The following CYP7B1 variants were observed in gnomAD, a reference collection of about 807,000 sequenced individuals.
CYP7B1 encodes cytochrome P450 7B1.
CYP7B1 carries 29 observed loss-of-function variants against 42.7 expected under a neutral mutation model. The ratio of observed to expected loss-of-function variants is 0.68; its 90% confidence interval spans 0.51 to 0.93. The LOEUF is 0.93. Among genes scored for constraint, CYP7B1 ranks in the 40% least tolerant of loss-of-function variants. The pLI is 0.00. For synonymous variants in CYP7B1, 235 were observed against 218.2 expected (o/e 1.08, Z -0.68); for missense variants, 655 against 600.5 (o/e 1.09, Z -0.95).
intron 1 of CYP7B1, among the ~76,000 whole-genome samples, chr8:64,759,164 G>A (rs762693324): frequency 3.3e-5 from 5 of 152,188 alleles, no homozygotes; most frequent in Middle Eastern, 3.2e-3. Flanking sequence ...GCTGTAGCTC[G>A]CCAGGATGAA....
chr8:64,712,558 C>A (rs1329189155), intron 1 of CYP7B1, among the ~76,000 whole-genome samples: 1 of 151,726 alleles, frequency 6.6e-6, no homozygotes, highest in Non-Finnish European at 1.5e-5. Context: ...GTGAAACTGG[C>A]ACATTATAGT....
chr8:64,743,259 G>T lies in CYP7B1; in HGVS notation c.122+55207C>A, dbSNP rs147597689. On this transcript the variant is annotated intron_variant, in intron 1 of 5. Coordinates refer to ENST00000310193, the MANE Select transcript of CYP7B1 (RefSeq NM_004820.5). Reference sequence around the variant, plus strand: ...CATTCACCTTATTAAAAGAAAAAAGGGATGCTAGAAATAATTAGGCTTACT... The same window carrying T: ...CATTCACCTTATTAAAAGAAAAAAGTGATGCTAGAAATAATTAGGCTTACT... Among the ~76,000 whole-genome samples the T allele has an allele frequency of 4.2e-3, 643 of 152,130 alleles. 2 individuals carry two copies. Among genetic ancestry groups the T allele is most frequent in the Non-Finnish European group, 6.7e-3 (458 of 68,016 alleles).
chr8:64,751,173 T>A (rs1017885471), intron 1 of CYP7B1, among the ~76,000 whole-genome samples: 1 of 152,184 alleles, frequency 6.6e-6, no homozygotes, highest in African/African-American at 2.4e-5. Context: ...AGACAATTTT[T>A]AAAAGAGAGA....
intron 1 of CYP7B1, among the ~76,000 whole-genome samples, chr8:64,705,287 C>G (rs1269776273): frequency 6.6e-6 from 1 of 151,886 alleles, no homozygotes; most frequent in East Asian, 1.9e-4. Context: ...GGATATTTAT[C>G]TACAGCCGTG....
rs759732698 is a variant in CYP7B1, at chr8:64,798,458, G to A, written c.122+8C>T. 103 of 1,510,684 alleles carry A rather than the reference G, an allele frequency of 6.8e-5. 1 individual carries two copies. Among genetic ancestry groups the A allele is most frequent in the Middle Eastern group, 4.4e-4 (2 of 4,536 alleles). The allele number at this position is 1,510,684 out of a possible 1,614,324, so 93.6% of individuals were successfully genotyped here. A position where few individuals can be genotyped will look rare whatever the true frequency, so the allele number is the denominator to read the frequency against. Reference sequence around the variant, plus strand: ...GCGCATGCGTGGCCTGGCGGCCGAGGCGCTTACCTGGTGCGCCGGACAAGC... The same window carrying A: ...GCGCATGCGTGGCCTGGCGGCCGAGACGCTTACCTGGTGCGCCGGACAAGC... On this transcript the variant is annotated splice_region_variant and intron_variant, in intron 1 of 5. Transcript: ENST00000310193.
chr8:64,691,505 A>G (rs1240040280), intron 1 of CYP7B1, among the ~76,000 whole-genome samples: 1 of 150,024 alleles, frequency 6.7e-6, no homozygotes, highest in Non-Finnish European at 1.5e-5. Context: ...TGGTGGTTAA[A>G]GCTGGAATGT....
chr8:64,705,618 C>G lies in CYP7B1; in HGVS notation c.123-81079G>C, dbSNP rs190293497. Among the ~76,000 whole-genome samples, 33 of 151,782 alleles carry G rather than the reference C, an allele frequency of 2.2e-4. No individual in the cohort carries two copies. The East Asian group carries it at 5.0e-3, about 23-fold the overall frequency. On this transcript the variant is annotated intron_variant, in intron 1 of 5. Coordinates refer to ENST00000310193, the MANE Select transcript of CYP7B1 (RefSeq NM_004820.5). The stretch of plus-strand genomic sequence containing the variant: ...GGGGGTGAGGGGAGTAATAGAATTA[C>G]TTAGAATTGACGGTTTTGCAGTTAA...
intron 1 of CYP7B1, among the ~76,000 whole-genome samples, chr8:64,735,190 A>G (rs1807468775): frequency 1.3e-5 from 2 of 152,190 alleles, no homozygotes; most frequent in South Asian, 2.1e-4. Context: ...TTAAAAATGG[A>G]TATACAATAT....
intron 1 of CYP7B1, among the ~76,000 whole-genome samples, chr8:64,756,246 G>A (rs1261678147): frequency 6.6e-6 from 1 of 152,180 alleles, no homozygotes; most frequent in Admixed American, 6.5e-5. Context: ...TATGTCCAAT[G>A]AGATGATTTT....
rs1045912447 is a variant in CYP7B1, at chr8:64,615,120, T to C, written c.963A>G (p.Glu321=). 14 of 1,613,716 alleles carry C rather than the reference T, an allele frequency of 8.7e-6. No individual in the cohort carries two copies. In the Middle Eastern group the frequency reaches 6.6e-4, roughly 76 times the overall value. The change falls in exon 4 of 6, where the codon GAA becomes GAG. Residue 321 remains glutamate (E), a synonymous_variant. Coordinates refer to ENST00000310193, the MANE Select transcript of CYP7B1 (RefSeq NM_004820.5). ...CTGTTGACTGCAGCAAACGGTCAAT[T>C]TCGTCACGCACTGCTGCCATAGCTT... ...HPEAMAAVRD[E]IDRLLQSTGQ...
Position 64,798,562 on chromosome 8 carries a change from G to C in CYP7B1, c.26C>G (p.Thr9Arg), listed in dbSNP as rs779597828. 21 of 1,490,898 alleles carry C rather than the reference G, an allele frequency of 1.4e-5. No homozygotes were observed. The highest frequency in any genetic ancestry group is 2.8e-5 in the East Asian group (1 of 35,702). 92.4% of individuals were successfully genotyped at this position (1,490,898 alleles called of 1,614,324 possible). A position where few individuals can be genotyped will look rare whatever the true frequency, so the allele number is the denominator to read the frequency against. ...CAACCGCTCCAGCGAAAAGCGGCCC[G>C]TGGCCGCGGACACTTCTCCTGCCAT... Reference protein sequence around the residue: MAGEVSAATGRFSLERLGL... With the variant: MAGEVSAARGRFSLERLGL... Residue 9 changes from threonine to arginine, a missense_variant, in exon 1 of 6, where the codon ACG becomes AGG. By Grantham distance (71) the Thr-to-Arg change is moderately conservative. Transcript: ENST00000310193.
At chr8:64,737,426 AAAGTGAT>A (rs1315718033) in intron 1 of CYP7B1, among the ~76,000 whole-genome samples, 1 of 152,244 alleles carries the variant, frequency 6.6e-6, no homozygotes, top group Non-Finnish European at 1.5e-5. Context: ...AGCAAAACTA[AAAGTGAT>A]AAAGTGCACT....
Position 64,594,498 on chromosome 8 carries a change from A to G in CYP7B1, c.*2144T>C, listed in dbSNP as rs1805088521. ...ATATACATACCAAGATATGCATCAA[A>G]CACATTAGAATATTTGCCTATGATA... On this transcript the variant is annotated 3_prime_UTR_variant, in exon 6 of 6. Coordinates refer to ENST00000310193, the MANE Select transcript of CYP7B1 (RefSeq NM_004820.5). Among the ~76,000 whole-genome samples, 1 of 152,208 alleles carries G rather than the reference A, an allele frequency of 6.6e-6. No homozygotes were observed. Among genetic ancestry groups the G allele is most frequent in the African/African-American group, 2.4e-5 (1 of 41,460 alleles).
At chr8:64,727,976 C>G (rs1003593906) in intron 1 of CYP7B1, 2 of 152,214 alleles carry the variant, frequency 1.3e-5, no homozygotes, top group Non-Finnish European at 2.9e-5. Flanking sequence ...TTCATCCTCT[C>G]ATTCACCACC....
intron 2 of CYP7B1, 130 bp from the exon 3 acceptor site, chr8:64,616,411 A>G (rs2129630229): frequency 1.5e-6 from 1 of 673,314 alleles, no homozygotes; most frequent in Non-Finnish European, 2.5e-6. Flanking sequence ...AGTTTAATAC[A>G]AATCCATTTC....
intron 2 of CYP7B1, among the ~76,000 whole-genome samples, chr8:64,623,802 T>C (rs1423628121): frequency 2.0e-5 from 3 of 152,192 alleles, no homozygotes; most frequent in African/African-American, 7.2e-5. Context: ...CAGGAAATTT[T>C]TAGAAGAGTA....
intron 1 of CYP7B1, among the ~76,000 whole-genome samples, chr8:64,655,619 CAA>C (rs1806109813): frequency 6.6e-6 from 1 of 152,142 alleles, no homozygotes; most frequent in African/African-American, 2.4e-5. Flanking sequence ...GACAATTTCT[CAA>C]AGAGCTAAAA....
chr8:64,676,710 G>A (rs964843610), intron 1 of CYP7B1, among the ~76,000 whole-genome samples: 3 of 151,858 alleles, frequency 2.0e-5, no homozygotes, highest in Non-Finnish European at 4.4e-5. Context: ...ATTCTCTATT[G>A]CAACTTGATT....
intron 2 of CYP7B1, among the ~76,000 whole-genome samples, chr8:64,618,159 TA>T (rs1336396643): frequency 6.6e-6 from 1 of 151,464 alleles, no homozygotes; most frequent in Non-Finnish European, 1.5e-5. Flanking sequence ...ACAGCTTAAT[TA>T]AATAAAATTG....
Sources: allele counts gnomAD v4.1 joint callset (sites outside exome capture counted in the v4.1 genomes callset), GRCh38; gene constraint gnomAD v4.1.1; transcripts MANE v1.5; gene names NCBI Gene and HGNC (gene_info 2026-07-23, HGNC 2026-07-21).